Variants in DLGAP2 observed in about 807,000 individuals in gnomAD.
DLGAP2 encodes DLG associated protein 2, also known as disks large-associated protein 2.
In DLGAP2, 26 loss-of-function variants were observed where a neutral mutation model predicts 100.3. The ratio of observed to expected loss-of-function variants is 0.26; its 90% CI spans 0.19 to 0.36. DLGAP2 has a LOEUF of 0.36. Ranked by LOEUF, DLGAP2 falls within the 10% of genes least tolerant of loss-of-function variation. DLGAP2 has a pLI of 1.00. For synonymous variants in DLGAP2, 886 were observed against 630.1 expected, an observed-to-expected ratio of 1.41 and a Z score of -6.08; for missense variants, 1,858 against 1,453.2, an observed-to-expected ratio of 1.28 and a Z score of -4.53.
intron 3 of DLGAP2, among the ~76,000 whole-genome samples, chr8:1,495,405 C>T (rs1483089818): frequency 6.6e-6 from 1 of 152,212 alleles, no homozygotes; most frequent in Non-Finnish European, 1.5e-5. Flanking sequence ...AGGGCCCTTT[C>T]TCTTCCCCTT....
In DLGAP2 at chr8:1,073,012, C is replaced by T. The variant is rs9644420; in HGVS notation, c.73+165046C>T. On this transcript the variant is annotated intron_variant, in intron 2 of 14. Coordinates refer to ENST00000637795, the MANE Select transcript of DLGAP2 (RefSeq NM_001346810.2). ...GACTAATTATCACTCCCCATTTGTA[C>T]CTCTCATTTGTACCTCTGATCTTAT... Among the ~76,000 whole-genome samples, 7 of 152,104 alleles carry T rather than the reference C, an allele frequency of 4.6e-5. No individual in the cohort carries two copies. In the East Asian group the frequency reaches 1.3e-3, roughly 29 times the overall value.
At chr8:1,430,638 A>G (rs760462338) in intron 3 of DLGAP2, among the ~76,000 whole-genome samples, 2 of 152,226 alleles carry the variant, frequency 1.3e-5, no homozygotes, top group Admixed American at 6.5e-5. Flanking sequence ...CTGCTCTTCT[A>G]TGAGATTGAG....
chr8:1,185,585 C>G (rs915474637), intron 2 of DLGAP2, among the ~76,000 whole-genome samples: 4 of 152,144 alleles, frequency 2.6e-5, no homozygotes, highest in African/African-American at 9.7e-5. Flanking sequence ...TATTGACTCG[C>G]TAATTCCATC....
intron 3 of DLGAP2, among the ~76,000 whole-genome samples, chr8:1,264,166 A>G (rs900077650): frequency 1.1e-4 from 15 of 140,440 alleles, no homozygotes; most frequent in Non-Finnish European, 1.8e-4. Flanking sequence ...TTGGATGAAA[A>G]CAAAAGAAAG....
chr8:1,328,444 G>A (rs1052371153), intron 3 of DLGAP2, among the ~76,000 whole-genome samples: 17 of 152,208 alleles, frequency 1.1e-4, no homozygotes, highest in African/African-American at 3.4e-4. Flanking sequence ...TCAGCCTCCC[G>A]AGTAGCGGGA....
At chr8:1,344,073 C>T (rs1337258254) in intron 3 of DLGAP2, among the ~76,000 whole-genome samples, 2 of 152,236 alleles carry the variant, frequency 1.3e-5, no homozygotes, top group African/African-American at 4.8e-5. Context: ...GGAGTAATGC[C>T]TGCAAATGTC....
intron 4 of DLGAP2, among the ~76,000 whole-genome samples, chr8:1,529,047 C>G (rs4457358): frequency 6.6e-6 from 1 of 151,768 alleles, no homozygotes; most frequent in Non-Finnish European, 1.5e-5. Context: ...GTCTGTTGTC[C>G]TACTGCTTTA....
In DLGAP2 at chr8:1,361,291, C is replaced by A. The variant is rs184411911; in HGVS notation, c.106+102408C>A. ...TCTCCAGTCGACATTTCATGGATCA[C>A]ATTCTCCCCAACACACAACTTTAGA... On this transcript the variant is annotated intron_variant, in intron 3 of 14. Coordinates refer to ENST00000637795, the MANE Select transcript of DLGAP2 (RefSeq NM_001346810.2). Among the ~76,000 whole-genome samples, 93 of 152,352 alleles carry A rather than the reference C, an allele frequency of 6.1e-4. 1 individual carries two copies. The highest frequency in any genetic ancestry group is 4.6e-3 in the East Asian group (24 of 5,184).
In DLGAP2 at chr8:850,075, A is replaced by AC. The variant is rs1194802998; in HGVS notation, c.19-57837_19-57836insC. Among the ~76,000 whole-genome samples the AC allele has an allele frequency of 2.6e-3, 391 of 151,876 alleles. 3 individuals are homozygous for AC. The highest frequency in any genetic ancestry group is 6.8e-3 in the Middle Eastern group (2 of 292). Reference sequence around the variant, plus strand: ...GAGACTGTCTAAAAAAAAAAAAAAAAAAACTAGGTTGTTTGTATTTTAATG... The same window carrying AC: ...GAGACTGTCTAAAAAAAAAAAAAAAACAAACTAGGTTGTTTGTATTTTAATG... On this transcript the variant is annotated intron_variant, in intron 1 of 14. Transcript: ENST00000637795.
chr8:1,364,504 G>GT (rs377104987), intron 3 of DLGAP2, among the ~76,000 whole-genome samples: 9 of 150,356 alleles, frequency 6.0e-5, no homozygotes, highest in African/African-American at 1.5e-4. Flanking sequence ...GGGAAGGGCG[G>GT]GGGGGGTGCA....
chr8:1,689,849 C>T (rs989160168), intron 12 of DLGAP2, among the ~76,000 whole-genome samples: 1 of 152,212 alleles, frequency 6.6e-6, no homozygotes, highest in East Asian at 1.9e-4. Flanking sequence ...GACCCAGGCA[C>T]AGAAAAGCCA....
intron 8 of DLGAP2, among the ~76,000 whole-genome samples, chr8:1,665,596 T>G (rs1798524088): frequency 6.6e-6 from 1 of 152,236 alleles, no homozygotes; most frequent in African/African-American, 2.4e-5. Context: ...TTGCCTTTGA[T>G]TTTTTACTAC....
At chr8:768,904 G>A (rs765236038) in intron 1 of DLGAP2, among the ~76,000 whole-genome samples, 10 of 152,180 alleles carry the variant, frequency 6.6e-5, no homozygotes, top group Non-Finnish European at 1.3e-4. Context: ...GTGTGGGGCT[G>A]AGGACGCTGG....
chr8:910,840 A>G (rs556011331), intron 2 of DLGAP2, among the ~76,000 whole-genome samples: 3 of 152,012 alleles, frequency 2.0e-5, no homozygotes, highest in African/African-American at 7.2e-5. Flanking sequence ...TTTTTTGGTT[A>G]GCGGGCTATA....
intron 3 of DLGAP2, among the ~76,000 whole-genome samples, chr8:1,392,341 C>T (rs7017774): frequency 0.49 from 74,037 of 151,766 alleles, 18,209 homozygotes; most frequent in East Asian, 0.64. Context: ...CAGGGTTACC[C>T]GTTACCTGCA....
intron 3 of DLGAP2, among the ~76,000 whole-genome samples, chr8:1,365,296 C>A (rs1206102870): frequency 6.6e-6 from 1 of 152,126 alleles, no homozygotes; most frequent in Non-Finnish European, 1.5e-5. Flanking sequence ...AGGTGCTGAG[C>A]CTGGGATCTC....
At chr8:1,067,795 C>G (rs967956549) in intron 2 of DLGAP2, among the ~76,000 whole-genome samples, 1 of 151,750 alleles carries the variant, frequency 6.6e-6, no homozygotes, top group African/African-American at 2.4e-5. Context: ...GATGGACCAA[C>G]ACGACACGTC....
At chr8:1,316,409 G>C (rs71516180) in intron 3 of DLGAP2, among the ~76,000 whole-genome samples, 10 of 110,454 alleles carry the variant, frequency 9.1e-5, no homozygotes, top group Admixed American at 1.9e-4. Flanking sequence ...AAAATAGAGC[G>C]TGTGCGAGTG....
chr8:1,062,480 C>G (rs1803114911), intron 2 of DLGAP2, among the ~76,000 whole-genome samples: 1 of 152,298 alleles, frequency 6.6e-6, no homozygotes, highest in East Asian at 1.9e-4. Context: ...TGGCAGGAGG[C>G]TCTCCTCGGT....
Sources: gnomAD v4.1 joint callset for allele counts (sites outside exome capture counted in the v4.1 genomes callset) on GRCh38, gnomAD v4.1.1 for gene constraint, MANE v1.5 for transcripts, NCBI Gene and HGNC (gene_info 2026-07-23, HGNC 2026-07-21) for gene names.